The following CA8 variants were observed in gnomAD, a reference collection of about 807,000 sequenced individuals.
The protein encoded by CA8 is carbonic anhydrase 8 (inactive), also known as carbonic anhydrase-related protein.
In CA8, 22 loss-of-function variants were observed where a neutral mutation model predicts 41.4. The observed-to-expected ratio is 0.53, with a 90% CI of 0.38 to 0.76. CA8 has a LOEUF of 0.76. CA8 is among the 30% of genes least tolerant of loss of function. The probability of loss-of-function intolerance (pLI) is 0.00; values close to 1 mark genes in which losing one functional copy is unlikely to be tolerated. For synonymous variants in CA8, 121 were observed against 130.6 expected (o/e 0.93, Z 0.50); for missense variants, 270 against 352.8 (o/e 0.77, Z 1.88).
At chr8:60,236,198 T>G (rs963210503) in intron 3 of CA8, among the ~76,000 whole-genome samples, 14 of 152,178 alleles carry the variant, frequency 9.2e-5, no homozygotes, top group African/African-American at 3.1e-4. Context: ...GTTAAAGGGT[T>G]TAAGAGCACA....
chr8:60,215,637 C>T (rs1462206090), intron 7 of CA8, among the ~76,000 whole-genome samples: 1 of 151,976 alleles, frequency 6.6e-6, no homozygotes, highest in Non-Finnish European at 1.5e-5. Flanking sequence ...CATTCAGATC[C>T]GTTCAATTGT....
At chr8:60,229,479 T>C (rs1267549855) in intron 4 of CA8, among the ~76,000 whole-genome samples, 3 of 152,152 alleles carry the variant, frequency 2.0e-5, no homozygotes, top group Admixed American at 6.5e-5. Context: ...TCTCCCTTAC[T>C]GACCCACTAG....
intron 3 of CA8, among the ~76,000 whole-genome samples, chr8:60,243,772 A>G (rs1424902626): frequency 6.6e-6 from 1 of 151,662 alleles, no homozygotes. Context: ...GTGGTGCCAC[A>G]CTCTCCTGGT....
chr8:60,265,919 T>G lies in CA8; in HGVS notation c.417+6A>C. 6.2e-7 allele frequency: 1 copy of G among 1,613,946 alleles called. No individual in the cohort carries two copies. The highest frequency in any genetic ancestry group is 1.1e-5 in the South Asian group (1 of 91,082). On this transcript the variant is annotated splice_donor_region_variant and intron_variant, in intron 3 of 8. Coordinates refer to ENST00000317995, the MANE Select transcript of CA8 (RefSeq NM_004056.6). The stretch of plus-strand genomic sequence containing the variant: ...AGATTTTTACAAGATGATTTGTTAT[T>G]CTTACCTCCATGGGAAAAGCTTTGA...
Position 60,222,646 on chromosome 8 carries a change from C to A in CA8, c.738+3G>T, listed in dbSNP as rs369362713. 2.2e-5 allele frequency: 33 copies of A among 1,525,142 alleles called. No homozygotes were observed. Among genetic ancestry groups the A allele is most frequent in the Non-Finnish European group, 2.8e-5 (31 of 1,098,768 alleles). 94.5% of individuals were successfully genotyped at this position (1,525,142 alleles called of 1,614,324 possible). On this transcript the variant is annotated splice_donor_region_variant and intron_variant, in intron 7 of 8. Transcript: ENST00000317995. ...TCTGAAAGATTCAAAGTAGCACACT[C>A]ACCTGTAGCTGGGATATAGTTAAAG...
intron 4 of CA8, among the ~76,000 whole-genome samples, chr8:60,229,530 TGACTTCAGCATTCAG>T: frequency 6.6e-6 from 1 of 152,324 alleles, no homozygotes; most frequent in Middle Eastern, 3.4e-3. Context: ...CCACCCTGGA[TGACTTCAGCATTCAG>T]GGGGTGACCC....
Position 60,209,087 on chromosome 8 carries a change from T to C in CA8, c.739-168A>G, listed in dbSNP as rs551161018. On this transcript the variant is annotated intron_variant, in intron 7 of 8. Transcript: ENST00000317995. Reference sequence around the variant, plus strand: ...AAAACAGACTTAATTCTTCCAGACCTAAGACGTTAGAGAGGACCCTTTCAA... The same window carrying C: ...AAAACAGACTTAATTCTTCCAGACCCAAGACGTTAGAGAGGACCCTTTCAA... Among the ~76,000 whole-genome samples the C allele has an allele frequency of 3.3e-5, 5 of 151,264 alleles. No homozygotes were observed. The East Asian group carries it at 9.6e-4, about 29-fold the overall frequency.
chr8:60,194,735 G>A (rs924405660), intron 8 of CA8, among the ~76,000 whole-genome samples: 6 of 152,094 alleles, frequency 3.9e-5, no homozygotes, highest in African/African-American at 1.2e-4. Context: ...TCTATCATGC[G>A]AACGGGTTTG....
chr8:60,192,394 CATAGTACTATAAGTA>C (rs549133382), intron 8 of CA8, among the ~76,000 whole-genome samples: 1 of 152,248 alleles, frequency 6.6e-6, no homozygotes, highest in East Asian at 1.9e-4. Flanking sequence ...ATGTGCTGAG[CATAGTACTATAAGTA>C]ATAATTTTGG....
chr8:60,191,143 A>C (rs1359265666), intron 8 of CA8, among the ~76,000 whole-genome samples: 2 of 151,754 alleles, frequency 1.3e-5, no homozygotes, highest in African/African-American at 2.4e-5. Flanking sequence ...GTCACAATAA[A>C]ATCTTTTTAA....
At chr8:60,221,657 G>T (rs182237311) in intron 7 of CA8, among the ~76,000 whole-genome samples, 1 of 152,258 alleles carries the variant, frequency 6.6e-6, no homozygotes, top group African/African-American at 2.4e-5. Flanking sequence ...AAATATGAAG[G>T]TTCAAAAGTG....
chr8:60,213,832 A>T (rs1345642798), intron 7 of CA8, among the ~76,000 whole-genome samples: 1 of 151,880 alleles, frequency 6.6e-6, no homozygotes, highest in Non-Finnish European at 1.5e-5. Context: ...TTCCCACTGG[A>T]CAGGGCTGGC....
At chr8:60,245,069 T>G (rs953334264) in intron 3 of CA8, among the ~76,000 whole-genome samples, 2 of 152,190 alleles carry the variant, frequency 1.3e-5, no homozygotes, top group African/African-American at 4.8e-5. Flanking sequence ...CTGGCAAACA[T>G]AGTCTTCATA....
At chr8:60,264,146 G>A in intron 3 of CA8, among the ~76,000 whole-genome samples, 1 of 152,320 alleles carries the variant, frequency 6.6e-6, no homozygotes, top group East Asian at 1.9e-4. Flanking sequence ...AGACCAGTCT[G>A]GACATTCGGT....
rs1480664379 is a variant in CA8 at position 60,281,028 on chromosome 8, C to G, written c.100+20G>C. ...GACGCCGCCGCGGGACCCCGGACAC[C>G]CCGACTCGCGGCCACTTACCTTCCT... is the stretch of plus-strand genomic sequence containing the variant. On this transcript the variant is annotated intron_variant, in intron 1 of 8. Coordinates refer to ENST00000317995, the MANE Select transcript of CA8 (RefSeq NM_004056.6). 3 of 1,582,652 alleles carry G rather than the reference C, an allele frequency of 1.9e-6. No individual in the cohort carries two copies. Among genetic ancestry groups the G allele is most frequent in the Non-Finnish European group, 2.6e-6 (3 of 1,154,680 alleles).
At chr8:60,249,469 A>C (rs1468129421) in intron 3 of CA8, among the ~76,000 whole-genome samples, 2 of 152,222 alleles carry the variant, frequency 1.3e-5, no homozygotes, top group Non-Finnish European at 2.9e-5. Flanking sequence ...TACTTATATC[A>C]AATCCTTTAG....
At chr8:60,238,724 T>A (rs1807918913) in intron 3 of CA8, among the ~76,000 whole-genome samples, 1 of 152,104 alleles carries the variant, frequency 6.6e-6, no homozygotes, top group Non-Finnish European at 1.5e-5. Flanking sequence ...CCTATCCATA[T>A]CAGACTTACA....
intron 3 of CA8, among the ~76,000 whole-genome samples, chr8:60,239,514 C>A (rs1275819047): frequency 6.6e-6 from 1 of 152,140 alleles, no homozygotes; most frequent in African/African-American, 2.4e-5. Context: ...GCAAGAAAAT[C>A]TCATAATGTT....
chr8:60,275,254 C>G (rs912990216), intron 2 of CA8, among the ~76,000 whole-genome samples: 2 of 152,196 alleles, frequency 1.3e-5, no homozygotes, highest in African/African-American at 4.8e-5. Flanking sequence ...AGCTTCTGAT[C>G]TGCTTCCTAG....
Sources: allele counts gnomAD v4.1 joint callset (sites outside exome capture counted in the v4.1 genomes callset), GRCh38; gene constraint gnomAD v4.1.1; transcripts MANE v1.5; gene names NCBI Gene and HGNC (gene_info 2026-07-23, HGNC 2026-07-21).